Variants in SUGCT observed in about 807,000 individuals in gnomAD.
The protein encoded by SUGCT is succinyl-CoA:glutarate-CoA transferase.
SUGCT carries 41 observed loss-of-function variants against 55.0 expected under a neutral mutation model. The observed-to-expected ratio is 0.74, with a 90% CI of 0.58 to 0.97. The LOEUF (loss-of-function observed/expected upper bound fraction) is 0.97. Ranked by LOEUF, SUGCT falls within the 50% of genes least tolerant of loss-of-function variation. The pLI is 0.00. For missense variants in SUGCT, 568 were observed against 547.8 expected, an observed-to-expected ratio of 1.04 and a Z score of -0.37; for synonymous variants, 187 against 200.4, an observed-to-expected ratio of 0.93 and a Z score of 0.56.
the SUGCT span, among the ~76,000 whole-genome samples, chr7:40,917,770 G>T: frequency 6.6e-6 from 1 of 152,130 alleles, no homozygotes; most frequent in Non-Finnish European, 1.5e-5. Flanking sequence ...CCACCTTCTT[G>T]CTGGGTCCTC....
At chr7:40,153,764 A>C in intron 1 of SUGCT, 1 of 422,818 alleles carries the variant, frequency 2.4e-6, no homozygotes, top group South Asian at 2.0e-5. Flanking sequence ...ACCAAGAGCC[A>C]AATTAAAGAA....
At chr7:40,990,804 T>C in the SUGCT span, among the ~76,000 whole-genome samples, 1 of 152,236 alleles carries the variant, frequency 6.6e-6, no homozygotes, top group Non-Finnish European at 1.5e-5. Context: ...TTTCTCAAAC[T>C]TCATTATCCA....
At chr7:40,532,951 T>G (rs1413788818) in intron 12 of SUGCT, among the ~76,000 whole-genome samples, 1 of 152,210 alleles carries the variant, frequency 6.6e-6, no homozygotes, top group Admixed American at 6.5e-5. Flanking sequence ...ATTGAGTTGC[T>G]TAACAGTTTC....
At chr7:40,143,186 G>A (rs1788076206) in intron 1 of SUGCT, among the ~76,000 whole-genome samples, 1 of 152,222 alleles carries the variant, frequency 6.6e-6, no homozygotes, top group African/African-American at 2.4e-5. Flanking sequence ...TTATTTGGCA[G>A]AGTGTCCAGT....
intron 12 of SUGCT, among the ~76,000 whole-genome samples, chr7:40,747,916 G>C (rs1275842880): frequency 6.6e-6 from 1 of 152,104 alleles, no homozygotes; most frequent in Non-Finnish European, 1.5e-5. Context: ...TTTAGTTGGA[G>C]GGCACTGGGG....
At chr7:40,939,757 T>C in the SUGCT span, among the ~76,000 whole-genome samples, 7 of 152,182 alleles carry the variant, frequency 4.6e-5, no homozygotes, top group Non-Finnish European at 1.0e-4. Context: ...CTGATTTGAG[T>C]TCCTTGTAGA....
chr7:40,371,935 A>G (rs1446115530), intron 9 of SUGCT, among the ~76,000 whole-genome samples: 1 of 148,668 alleles, frequency 6.7e-6, no homozygotes, highest in African/African-American at 2.5e-5. Context: ...ATGTATGTAT[A>G]TACATCTCGA....
At chr7:40,806,585 C>A (rs992403091) in intron 13 of SUGCT, among the ~76,000 whole-genome samples, 2 of 152,054 alleles carry the variant, frequency 1.3e-5, no homozygotes, top group Non-Finnish European at 2.9e-5. Flanking sequence ...TCTCTTCCCC[C>A]TTTTATTTGT....
intron 13 of SUGCT, among the ~76,000 whole-genome samples, chr7:40,792,733 C>A (rs995398325): frequency 1.3e-5 from 2 of 151,986 alleles, no homozygotes; most frequent in African/African-American, 2.4e-5. Context: ...AATTTGGTAC[C>A]CATATTAGTT....
At chr7:40,855,022 C>CT (rs1157211469) in intron 13 of SUGCT, among the ~76,000 whole-genome samples, 2 of 129,544 alleles carry the variant, frequency 1.5e-5, no homozygotes, top group South Asian at 2.4e-4. Context: ...TAATTTTATT[C>CT]TTTAAAAAAA....
chr7:40,925,767 A>T, the SUGCT span, among the ~76,000 whole-genome samples: 1 of 152,294 alleles, frequency 6.6e-6, no homozygotes, highest in East Asian at 1.9e-4. Flanking sequence ...GTCACGAATC[A>T]TACTCAAGCC....
intron 6 of SUGCT, among the ~76,000 whole-genome samples, chr7:40,237,187 T>G (rs897233863): frequency 6.6e-6 from 1 of 150,716 alleles, no homozygotes; most frequent in Admixed American, 6.6e-5. Flanking sequence ...CTCATGCCTG[T>G]AATCCTAGCA....
At chr7:40,922,327 T>C in the SUGCT span, among the ~76,000 whole-genome samples, 1 of 152,202 alleles carries the variant, frequency 6.6e-6, no homozygotes, top group Non-Finnish European at 1.5e-5. Flanking sequence ...GCACCAGCAC[T>C]CCAAGTCCTA....
At chr7:40,588,084 G>A (rs1333547179) in intron 12 of SUGCT, among the ~76,000 whole-genome samples, 2 of 151,732 alleles carry the variant, frequency 1.3e-5, no homozygotes. Flanking sequence ...TGTATTTTTA[G>A]TAGAGACAGG....
chr7:40,285,455 A>T (rs1793267257), intron 8 of SUGCT, among the ~76,000 whole-genome samples: 2 of 143,740 alleles, frequency 1.4e-5, no homozygotes, highest in African/African-American at 2.7e-5. Context: ...TTTAAATTTT[A>T]TTTATTTATT....
the SUGCT span, among the ~76,000 whole-genome samples, chr7:40,985,854 A>G: frequency 6.6e-6 from 1 of 152,198 alleles, no homozygotes; most frequent in Non-Finnish European, 1.5e-5. Flanking sequence ...TAGTAAAATT[A>G]GGGTTTTGGT....
the SUGCT span, among the ~76,000 whole-genome samples, chr7:40,949,516 G>A: frequency 3.3e-5 from 5 of 152,002 alleles, no homozygotes; most frequent in African/African-American, 4.8e-5. Context: ...TGTTTTAGTC[G>A]TGAAGTCTTT....
At chr7:40,635,326 A>G (rs576190436) in intron 12 of SUGCT, among the ~76,000 whole-genome samples, 33 of 152,178 alleles carry the variant, frequency 2.2e-4, no homozygotes, top group African/African-American at 7.7e-4. Context: ...AAAAAAACAC[A>G]TAGGGATTGA....
At chr7:40,816,160 A>G (rs75620270) in intron 13 of SUGCT, among the ~76,000 whole-genome samples, 13,293 of 152,182 alleles carry the variant, frequency 0.087, 674 homozygotes, top group Middle Eastern at 0.17. Context: ...GGTGCCTTCT[A>G]CAGTTCGGGC....
Sources: allele counts gnomAD v4.1 joint callset (sites outside exome capture counted in the v4.1 genomes callset), GRCh38; gene constraint gnomAD v4.1.1; transcripts MANE v1.5; gene names NCBI Gene and HGNC (gene_info 2026-07-23, HGNC 2026-07-21).